The following CALN1 variants were observed in gnomAD, a reference collection of about 807,000 sequenced individuals.
CALN1 encodes the protein calneuron 1.
In CALN1, 17 loss-of-function variants were observed where a neutral mutation model predicts 30.6. That is an observed-to-expected ratio of 0.56 (90% CI 0.38 to 0.83). The LOEUF (loss-of-function observed/expected upper bound fraction) is 0.83. Ranked by LOEUF, CALN1 falls within the 40% of genes least tolerant of loss-of-function variation. CALN1 has a pLI of 0.00. For missense variants in CALN1, 291 were observed against 354.9 expected, an observed-to-expected ratio of 0.82 and a Z score of 1.45; for synonymous variants, 156 against 131.4, an observed-to-expected ratio of 1.19 and a Z score of -1.28.
chr7:72,097,356 T>C (rs1806307190), intron 4 of CALN1, among the ~76,000 whole-genome samples: 1 of 152,092 alleles, frequency 6.6e-6, no homozygotes, highest in Admixed American at 6.6e-5. Flanking sequence ...ATCCCTTAGG[T>C]CTTGAGGATA....
chr7:72,419,580 C>T (rs1807543052), intron 1 of CALN1, among the ~76,000 whole-genome samples: 1 of 152,170 alleles, frequency 6.6e-6, no homozygotes, highest in South Asian at 2.1e-4. Flanking sequence ...TATAGAATGG[C>T]TGGGCTCCTG....
At chr7:72,145,706 G>A (rs1046120358) in intron 3 of CALN1, among the ~76,000 whole-genome samples, 37 of 152,086 alleles carry the variant, frequency 2.4e-4, no homozygotes, top group African/African-American at 7.7e-4. Context: ...GATGAACATC[G>A]ATGCAAAAAT....
At chr7:71,864,010 T>C (rs957784582) in intron 5 of CALN1, among the ~76,000 whole-genome samples, 1 of 152,236 alleles carries the variant, frequency 6.6e-6, no homozygotes, top group African/African-American at 2.4e-5. Context: ...TATTCCCCTA[T>C]TCTCTGCAAA....
At chr7:72,416,287 A>C (rs1056077584), upstream of CALN1, among the ~76,000 whole-genome samples, 1 of 152,222 alleles carries the variant, frequency 6.6e-6, no homozygotes, top group Non-Finnish European at 1.5e-5. Context: ...GGGTATAAAT[A>C]TGACTGCAGC....
intron 5 of CALN1, among the ~76,000 whole-genome samples, chr7:71,995,617 C>T (rs1425528565): frequency 6.6e-6 from 1 of 152,084 alleles, no homozygotes; most frequent in African/African-American, 2.4e-5. Flanking sequence ...GAGAGCAGCC[C>T]CAGACAAACC....
At chr7:72,079,162 C>A (rs1470772580) in intron 4 of CALN1, among the ~76,000 whole-genome samples, 1 of 152,144 alleles carries the variant, frequency 6.6e-6, no homozygotes, top group East Asian at 1.9e-4. Context: ...TGAGGACCTT[C>A]AAGGATGCAA....
intron 2 of CALN1, among the ~76,000 whole-genome samples, chr7:72,338,525 G>GTCTGTGTGTCTGTCTGTC (rs1554378748): frequency 8.2e-6 from 1 of 122,292 alleles, no homozygotes; most frequent in African/African-American, 3.1e-5. Flanking sequence ...GTGTGTGTGT[G>GTCTGTGTGTCTGTCTGTC]TGTCTCACCT....
At chr7:72,069,015 G>T (rs1156292827) in intron 4 of CALN1, among the ~76,000 whole-genome samples, 3 of 152,232 alleles carry the variant, frequency 2.0e-5, no homozygotes, top group African/African-American at 7.2e-5. Flanking sequence ...ATTCTAAGTT[G>T]CAGGAGAGTT....
intron 5 of CALN1, among the ~76,000 whole-genome samples, chr7:71,822,983 G>T (rs560091840): frequency 1.1e-4 from 17 of 152,272 alleles, no homozygotes; most frequent in African/African-American, 3.6e-4. Flanking sequence ...CCAAATATCT[G>T]CTAGAGAACA....
Position 72,205,779 on chromosome 7 carries a change from A to C in CALN1, c.244+72907T>G, listed in dbSNP as rs73357175. 6.8e-3 allele frequency among the ~76,000 whole-genome samples: 1,027 copies of C among 151,648 alleles called. 6 individuals carry two copies. The highest frequency in any genetic ancestry group is 0.022 in the African/African-American group (890 of 41,328). ...ATTCAAGTTTATATGTATTTAACCTACAGTGCAATCTCTAACAGCTGTGAT... is the reference window on the plus strand; with the variant it reads ...ATTCAAGTTTATATGTATTTAACCTCCAGTGCAATCTCTAACAGCTGTGAT... On this transcript the variant is annotated intron_variant, in intron 3 of 6. Coordinates refer to ENST00000395275, the MANE Select transcript of CALN1 (RefSeq NM_031468.4).
intron 2 of CALN1, among the ~76,000 whole-genome samples, chr7:72,351,518 A>G (rs1368162490): frequency 6.6e-6 from 1 of 152,234 alleles, no homozygotes; most frequent in East Asian, 1.9e-4. Context: ...TGGGATTTAT[A>G]AGACATGTAT....
At chr7:72,294,745 A>G (rs1342770606) in intron 2 of CALN1, among the ~76,000 whole-genome samples, 1 of 70,150 alleles carries the variant, frequency 1.4e-5, no homozygotes, top group Admixed American at 2.0e-4. Context: ...CTGTCTCTAA[A>G]AAAGTAATAA....
intron 2 of CALN1, among the ~76,000 whole-genome samples, chr7:72,384,540 G>A (rs1398531733): frequency 1.3e-5 from 2 of 152,024 alleles, no homozygotes; most frequent in African/African-American, 4.8e-5. Flanking sequence ...AGGTTGACAG[G>A]GGAGGATTGC....
chr7:72,213,578 T>C (rs1229519814), intron 3 of CALN1, among the ~76,000 whole-genome samples: 1 of 152,160 alleles, frequency 6.6e-6, no homozygotes, highest in East Asian at 1.9e-4. Context: ...TAAATTACAC[T>C]TCAATAAAGC....
chr7:72,140,641 T>C (rs1809859515), intron 3 of CALN1, among the ~76,000 whole-genome samples: 2 of 152,336 alleles, frequency 1.3e-5, no homozygotes, highest in East Asian at 3.9e-4. Flanking sequence ...GTCTGTTGAA[T>C]GGTAGGATAA....
intron 3 of CALN1, among the ~76,000 whole-genome samples, chr7:72,148,239 T>A (rs1786923989): frequency 7.1e-6 from 1 of 141,244 alleles, no homozygotes; most frequent in African/African-American, 2.7e-5. Context: ...CCCACAGTAA[T>A]GAGTTCACAT....
At chr7:72,048,982 A>AT (rs921903280) in intron 4 of CALN1, among the ~76,000 whole-genome samples, 12 of 151,926 alleles carry the variant, frequency 7.9e-5, no homozygotes, top group African/African-American at 2.4e-4. Flanking sequence ...AGCTACTTTT[A>AT]TTTTTTTGTA....
intron 3 of CALN1, among the ~76,000 whole-genome samples, chr7:72,130,074 A>C (rs1809033964): frequency 6.6e-6 from 1 of 151,972 alleles, no homozygotes; most frequent in African/African-American, 2.4e-5. Flanking sequence ...CCCACCCCCC[A>C]CCAGGCTTCC....
intron 5 of CALN1, among the ~76,000 whole-genome samples, chr7:71,984,893 T>G (rs1250324910): frequency 1.3e-5 from 2 of 152,184 alleles, no homozygotes; most frequent in African/African-American, 2.4e-5. Context: ...TTGGCTGTTA[T>G]CCTCATTCAT....
Sources: gnomAD v4.1 joint callset for allele counts (sites outside exome capture counted in the v4.1 genomes callset) on GRCh38, gnomAD v4.1.1 for gene constraint, MANE v1.5 for transcripts, NCBI Gene and HGNC (gene_info 2026-07-23, HGNC 2026-07-21) for gene names.